The following PXDNL variants were observed in gnomAD, a reference collection of about 807,000 sequenced individuals.
PXDNL encodes the protein peroxidasin like.
In PXDNL, 145 loss-of-function variants were observed where a neutral mutation model predicts 150.8. The observed-to-expected ratio is 0.96, with a 90% confidence interval of 0.84 to 1.10. The LOEUF (loss-of-function observed/expected upper bound fraction) is 1.10. PXDNL is among the 50% of genes least tolerant of loss of function. The pLI is 0.00. For synonymous variants in PXDNL, 757 were observed against 725.7 expected, an observed-to-expected ratio of 1.04 and a Z score of -0.69; for missense variants, 2,087 against 1,873.9, an observed-to-expected ratio of 1.11 and a Z score of -2.10.
At chr8:51,443,671 T>C (rs1458638705) in intron 12 of PXDNL, among the ~76,000 whole-genome samples, 1 of 152,158 alleles carries the variant, frequency 6.6e-6, no homozygotes, top group Non-Finnish European at 1.5e-5. Context: ...TACAAAAAAG[T>C]AGTGAGTAGA....
chr8:51,644,805 G>GTGAA (rs1301694112), intron 2 of PXDNL, among the ~76,000 whole-genome samples: 1 of 152,070 alleles, frequency 6.6e-6, no homozygotes, highest in East Asian at 1.9e-4. Context: ...CAGCAGCAGC[G>GTGAA]TGAAGGGGGC....
At chr8:51,623,814 G>T (rs2130740109) in intron 2 of PXDNL, among the ~76,000 whole-genome samples, 1 of 152,256 alleles carries the variant, frequency 6.6e-6, no homozygotes, top group South Asian at 2.1e-4. Context: ...CACAAGCCAG[G>T]CATGGTGGGT....
intron 4 of PXDNL, among the ~76,000 whole-genome samples, chr8:51,538,266 G>T (rs1812130355): frequency 6.6e-6 from 1 of 152,118 alleles, no homozygotes; most frequent in South Asian, 2.1e-4. Flanking sequence ...TAAAATTTTT[G>T]CTCTGGTATA....
At chr8:51,423,790 T>C (rs1809019426) in intron 13 of PXDNL, 59 bp from the exon 14 acceptor site, 11 of 1,506,188 alleles carry the variant, frequency 7.3e-6, no homozygotes, top group Non-Finnish European at 9.9e-6. Flanking sequence ...AATCATTTAT[T>C]TACTTTTTAA....
At chr8:51,696,056 G>A (rs1348396203) in intron 1 of PXDNL, among the ~76,000 whole-genome samples, 1 of 152,194 alleles carries the variant, frequency 6.6e-6, no homozygotes, top group East Asian at 1.9e-4. Flanking sequence ...CAAATGTCAT[G>A]CATTTCATTT....
chr8:51,558,549 A>G (rs889895849), intron 3 of PXDNL, among the ~76,000 whole-genome samples: 5 of 152,106 alleles, frequency 3.3e-5, no homozygotes, highest in Non-Finnish European at 7.4e-5. Flanking sequence ...TCAATTTTAA[A>G]TAATGAGGAG....
chr8:51,690,946 C>T (rs1021263726), intron 1 of PXDNL, among the ~76,000 whole-genome samples: 2 of 151,960 alleles, frequency 1.3e-5, no homozygotes, highest in Non-Finnish European at 2.9e-5. Context: ...TTTCATGTGT[C>T]TTTTGGCTGC....
intron 1 of PXDNL, among the ~76,000 whole-genome samples, chr8:51,665,304 G>C (rs1166845496): frequency 1.3e-5 from 2 of 152,094 alleles, no homozygotes; most frequent in Non-Finnish European, 2.9e-5. Context: ...GCTTGGACAG[G>C]CCCACACTCT....
intron 1 of PXDNL, among the ~76,000 whole-genome samples, chr8:51,785,332 C>A (rs545813957): frequency 1.3e-5 from 2 of 152,050 alleles, no homozygotes; most frequent in South Asian, 4.2e-4. Flanking sequence ...TTCAAAGGAA[C>A]AAATGCCATT....
chr8:51,610,430 T>C (rs1371579542), intron 2 of PXDNL, among the ~76,000 whole-genome samples: 1 of 152,220 alleles, frequency 6.6e-6, no homozygotes, highest in Non-Finnish European at 1.5e-5. Context: ...TAGTATTCAG[T>C]CTTCAGGACT....
intron 1 of PXDNL, among the ~76,000 whole-genome samples, chr8:51,693,564 G>A (rs185427015): frequency 6.6e-6 from 1 of 152,282 alleles, no homozygotes; most frequent in Non-Finnish European, 1.5e-5. Context: ...ACTGAGCCCA[G>A]GAGTTTGAGA....
At chr8:51,474,631 A>C (rs978174135) in intron 7 of PXDNL, among the ~76,000 whole-genome samples, 2 of 152,224 alleles carry the variant, frequency 1.3e-5, no homozygotes, top group South Asian at 2.1e-4. Flanking sequence ...GATTATTAAC[A>C]CTAAGTCATA....
At chr8:51,409,601 T>G in intron 16 of PXDNL, 40 bp from the exon 17 acceptor site, 8 of 1,471,122 alleles carry the variant, frequency 5.4e-6, no homozygotes, top group Non-Finnish European at 7.3e-6. Context: ...AGGGCGGGCC[T>G]GGGAGGGCGC....
chr8:51,680,739 C>T (rs1012049434), intron 1 of PXDNL, among the ~76,000 whole-genome samples: 15 of 152,154 alleles, frequency 9.9e-5, no homozygotes, highest in African/African-American at 3.4e-4. Context: ...ACTGCTCGCT[C>T]GCTGTGTGAT....
intron 17 of PXDNL, among the ~76,000 whole-genome samples, chr8:51,405,828 C>G (rs1183060449): frequency 6.6e-6 from 1 of 152,248 alleles, no homozygotes; most frequent in African/African-American, 2.4e-5. Flanking sequence ...GCAATGCTCT[C>G]TCCTCCTCTG....
intron 17 of PXDNL, among the ~76,000 whole-genome samples, chr8:51,393,649 G>T (rs1409869931): frequency 6.6e-6 from 1 of 152,194 alleles, no homozygotes; most frequent in Non-Finnish European, 1.5e-5. Context: ...AAGAGATTTT[G>T]CCAATGTGAT....
At chr8:51,588,809 C>T (rs1020627348) in intron 3 of PXDNL, among the ~76,000 whole-genome samples, 13 of 152,084 alleles carry the variant, frequency 8.5e-5, no homozygotes, top group African/African-American at 3.1e-4. Context: ...AGGTCAAGCT[C>T]CTTCACTAAT....
In PXDNL at chr8:51,809,237, G is replaced by A; in HGVS notation, c.108C>T (p.Arg36=). ...TGTGGTCCAGCATCAAGTGCATGCA[G>A]CGGACGGTGCTCTTAAAGCAAAGGC... The part of the protein sequence containing the change: ...SRCLCFKSTV[R]CMHLMLDHIP... The change falls in exon 1 of 23, where the codon CGC becomes CGT. Residue 36 remains arginine (R), a synonymous_variant. Coordinates refer to ENST00000356297, the MANE Select transcript of PXDNL (RefSeq NM_144651.5). 1 of 1,613,000 alleles carries A rather than the reference G, an allele frequency of 6.2e-7. No individual in the cohort carries two copies.
At chr8:51,553,423 A>G (rs547713706) in intron 4 of PXDNL, among the ~76,000 whole-genome samples, 52 of 152,254 alleles carry the variant, frequency 3.4e-4, no homozygotes, top group Admixed American at 2.4e-3. Flanking sequence ...CTAGGTGGAG[A>G]CCATTTTTGA....
Sources: allele counts gnomAD v4.1 joint callset (sites outside exome capture counted in the v4.1 genomes callset), GRCh38; gene constraint gnomAD v4.1.1; transcripts MANE v1.5; gene names NCBI Gene and HGNC (gene_info 2026-07-23, HGNC 2026-07-21).